Variants in HGF observed in about 807,000 individuals in gnomAD.
HGF encodes hepatocyte growth factor, also known as fibroblast-derived tumor cytotoxic factor.
A neutral mutation model predicts 111.6 loss-of-function variants in HGF; 39 were observed. The ratio of observed to expected loss-of-function variants is 0.35; its 90% CI spans 0.27 to 0.46. The LOEUF (loss-of-function observed/expected upper bound fraction) is 0.46, where lower values mean the gene tolerates loss of function less well. Among genes scored for constraint, HGF ranks in the 20% least tolerant of loss-of-function variants. The probability of loss-of-function intolerance (pLI) is 1.00; values close to 1 mark genes in which losing one functional copy is unlikely to be tolerated. For missense variants in HGF, 735 were observed against 910.5 expected, an observed-to-expected ratio of 0.81 and a Z score of 2.48; for synonymous variants, 285 against 294.8, an observed-to-expected ratio of 0.97 and a Z score of 0.34.
chr7:81,730,595 G>A (rs1787616362), intron 7 of HGF, among the ~76,000 whole-genome samples: 1 of 151,792 alleles, frequency 6.6e-6, no homozygotes, highest in Non-Finnish European at 1.5e-5. Flanking sequence ...CAACTTCAAT[G>A]CTTACTATAC....
chr7:81,762,556 G>C, intron 2 of HGF, 151 bp downstream of exon 2: 2 of 682,188 alleles, frequency 2.9e-6, no homozygotes, highest in Non-Finnish European at 5.2e-6. Context: ...TAAACTGAGA[G>C]CTAAGTCTTC....
At position 81,762,779 on chromosome 7, in the gene HGF, G is replaced by A. The variant is rs142659098; in HGVS notation, c.182C>T (p.Thr61Ile). The A allele has an allele frequency of 1.2e-6, 2 of 1,610,976 alleles. No individual in the cohort carries two copies. The highest frequency in any genetic ancestry group is 1.3e-5 in the African/African-American group (1 of 74,942). The stretch of plus-strand genomic sequence containing the variant: ...TTGGTCTGCAGTATTCACTTTTTTG[G>A]TTTTTATCTTCAGTGCTGGATCTAT... ...IKIDPALKIK[T>I]KKVNTADQCA... The change falls in exon 2 of 18, where the codon ACC becomes ATC. Residue 61 changes from threonine (T) to isoleucine (I), a missense_variant. Transcript: ENST00000222390.
At chr7:81,717,133 G>T in intron 11 of HGF, 99 bp downstream of exon 11, 3 of 1,177,930 alleles carry the variant, frequency 2.5e-6, no homozygotes, top group East Asian at 2.4e-5. Context: ...TTCCTCATTT[G>T]GGAATAAATG....
At chr7:81,709,971 T>C (rs1319848803) in intron 13 of HGF, among the ~76,000 whole-genome samples, 176 bp downstream of exon 13, 1 of 152,152 alleles carries the variant, frequency 6.6e-6, no homozygotes, top group Non-Finnish European at 1.5e-5. Context: ...AGGCACAAAT[T>C]ATAGTCCAGA....
chr7:81,725,642 C>T (rs1789985746), intron 9 of HGF, among the ~76,000 whole-genome samples: 1 of 152,090 alleles, frequency 6.6e-6, no homozygotes, highest in South Asian at 2.1e-4. Context: ...GGTCAGATAG[C>T]TTAGTTTTGT....
chr7:81,743,572 G>C, intron 6 of HGF, 101 bp from the exon 7 acceptor site: 1 of 816,760 alleles, frequency 1.2e-6, no homozygotes, highest in Non-Finnish European at 2.2e-6. Context: ...TCTACACCTA[G>C]CTGGGGAAAG....
chr7:81,758,854 A>G, intron 2 of HGF, 50 bp from the exon 3 acceptor site: 2 of 1,191,354 alleles, frequency 1.7e-6, no homozygotes, highest in Non-Finnish European at 2.5e-6. Flanking sequence ...TTTATACAGT[A>G]TTTAAAGAAT....
intron 10 of HGF, among the ~76,000 whole-genome samples, chr7:81,718,417 T>A (rs183976181): frequency 3.3e-4 from 50 of 152,274 alleles, no homozygotes; most frequent in Non-Finnish European, 5.4e-4. Flanking sequence ...TAATGTCACA[T>A]GACTTGCAAA....
At position 81,720,810 on chromosome 7, in the gene HGF, G is replaced by A; in HGVS notation, c.1206C>T (p.Asn402=). 2.5e-6 allele frequency: 4 copies of A among 1,612,858 alleles called. No homozygotes were observed. The highest frequency in any genetic ancestry group is 3.4e-6 in the Non-Finnish European group (4 of 1,178,912). ...YRGNGKNYMG[N]LSQTRSGLTC... is the part of the protein sequence containing the mutation. ...TTAGTCCAGATCTTGTTTGGGATAA[G>A]TTGCCCATATAATTTTTGCCATTCC... Residue 402 remains asparagine, a synonymous_variant, in exon 10 of 18, where the codon AAC becomes AAT. Transcript: ENST00000222390.
At chr7:81,739,221 T>C (rs559534638) in intron 7 of HGF, among the ~76,000 whole-genome samples, 5 of 152,276 alleles carry the variant, frequency 3.3e-5, no homozygotes, top group African/African-American at 1.2e-4. Flanking sequence ...CCCCTTTTGA[T>C]ATTGTTCACA....
In HGF at chr7:81,740,684, A is replaced by G. The variant is rs564901390; in HGVS notation, c.865+2669T>C. ...CCTGTTGGCAGGAGTAAACTGCCAT[A>G]TTGTAGAGAGGGTTATGTGTCAGAG... On this transcript the variant is annotated intron_variant, in intron 7 of 17. Coordinates refer to ENST00000222390, the MANE Select transcript of HGF (RefSeq NM_000601.6). 5.3e-5 allele frequency among the ~76,000 whole-genome samples: 8 copies of G among 152,326 alleles called. No homozygotes were observed. The South Asian group carries it at 1.4e-3, about 28-fold the overall frequency.
chr7:81,751,570 C>T (rs1485805509), intron 5 of HGF: 1 of 992,132 alleles, frequency 1.0e-6, no homozygotes, highest in Non-Finnish European at 1.2e-6. Flanking sequence ...CTGAATGGTA[C>T]TCAGTTCCAG....
chr7:81,706,519 G>C (rs1160977664), intron 14 of HGF, 92 bp from the exon 15 acceptor site: 2 of 1,017,384 alleles, frequency 2.0e-6, no homozygotes, highest in Non-Finnish European at 3.0e-6. Context: ...GACTATTAAG[G>C]CACATAACCT....
intron 4 of HGF, among the ~76,000 whole-genome samples, chr7:81,754,779 A>G (rs1020397144): frequency 2.6e-5 from 4 of 151,706 alleles, no homozygotes; most frequent in African/African-American, 9.7e-5. Context: ...TTAGCACCCC[A>G]TATTTGACCA....
Position 81,758,456 on chromosome 7 carries a change from CAGAG to C in HGF, c.367+232_367+235del, listed in dbSNP as rs3216986. Among the ~76,000 whole-genome samples, 29 of 151,806 alleles carry C rather than the reference CAGAG, an allele frequency of 1.9e-4. 1 individual carries two copies. The East Asian group carries it at 5.4e-3, about 28-fold the overall frequency. On this transcript the variant is annotated intron_variant, in intron 3 of 17. Transcript: ENST00000222390. ...CCAAAAAAATAAAAATAAAAATAAA[CAGAG>C]GGAGGAAGGGAATCAAGATTATGAA...
intron 1 of HGF, chr7:81,763,119 C>A (rs896789349): frequency 3.4e-5 from 16 of 464,874 alleles, no homozygotes; most frequent in Non-Finnish European, 5.8e-5. Context: ...AATTAAGGAG[C>A]TTTTAAAAAT....
At chr7:81,758,615 A>G in intron 3 of HGF, 77 bp downstream of exon 3, 1 of 910,502 alleles carries the variant, frequency 1.1e-6, no homozygotes, top group Non-Finnish European at 1.8e-6. Flanking sequence ...GAGAAAGACC[A>G]CTCTGGCAGG....
At chr7:81,761,186 A>T (rs1789057844) in intron 2 of HGF, among the ~76,000 whole-genome samples, 1 of 152,144 alleles carries the variant, frequency 6.6e-6, no homozygotes, top group African/African-American at 2.4e-5. Context: ...GTTGATTGAG[A>T]GTAGTTGTCT....
intron 7 of HGF, among the ~76,000 whole-genome samples, chr7:81,740,140 A>T (rs1370264216): frequency 6.6e-6 from 1 of 152,208 alleles, no homozygotes; most frequent in East Asian, 1.9e-4. Context: ...AATAAATGAT[A>T]TTAATTATGA....
Sources: gnomAD v4.1 joint callset for allele counts (sites outside exome capture counted in the v4.1 genomes callset) on GRCh38, gnomAD v4.1.1 for gene constraint, MANE v1.5 for transcripts, NCBI Gene and HGNC (gene_info 2026-07-23, HGNC 2026-07-21) for gene names.